The following SEZ6L2 variants were observed in gnomAD, a reference collection of about 807,000 sequenced individuals.
SEZ6L2 encodes the protein seizure 6-like protein 2.
A neutral mutation model predicts 97.0 loss-of-function variants in SEZ6L2; 44 were observed. The observed-to-expected ratio is 0.45, with a 90% CI of 0.36 to 0.58. The LOEUF (loss-of-function observed/expected upper bound fraction) is 0.58. Among genes scored for constraint, SEZ6L2 ranks in the 20% least tolerant of loss-of-function variants. The probability of loss-of-function intolerance (pLI) is 0.00; values close to 1 mark genes in which losing one functional copy is unlikely to be tolerated. For missense variants in SEZ6L2, 1,086 were observed against 1,233.3 expected (o/e 0.88, Z 1.79); for synonymous variants, 543 against 546.1 (o/e 0.99, Z 0.08).
At chr16:29,877,019 T>TCACTGCAGCC in intron 11 of SEZ6L2, 69 bp from the exon 12 acceptor site, 1 of 1,475,216 alleles carries the variant, frequency 6.8e-7, no homozygotes, top group South Asian at 1.3e-5. Context: ...CCTCGGAGGC[T>TCACTGCAGCC]TTGCTCTGTG....
chr16:29,871,773 T>A (rs748070621), intron 17 of SEZ6L2, 45 bp from the exon 18 acceptor site: 1 of 1,584,320 alleles, frequency 6.3e-7, no homozygotes. Flanking sequence ...CTGATAGGGG[T>A]GGAAGAGGCA....
chr16:29,890,561 A>G (rs1283749155), intron 5 of SEZ6L2, among the ~76,000 whole-genome samples: 3 of 151,108 alleles, frequency 2.0e-5, no homozygotes, highest in African/African-American at 7.3e-5. Context: ...TTAATTTTCC[A>G]CCTCCATATT....
Position 29,895,704 on chromosome 16 carries a change from T to C in SEZ6L2, c.651+17A>G, listed in dbSNP as rs368918292. The stretch of plus-strand genomic sequence containing the variant: ...AAGGCTTGGAAGCTGCACAGTCACA[T>C]GCTTTGGTCCAGTTACCTGGATCTC... On this transcript the variant is annotated intron_variant, in intron 4 of 17. Transcript: ENST00000617533. 3 of 1,608,892 alleles carry C rather than the reference T, an allele frequency of 1.9e-6. No homozygotes were observed. Among genetic ancestry groups the C allele is most frequent in the African/African-American group, 2.7e-5 (2 of 74,734 alleles).
intron 9 of SEZ6L2, among the ~76,000 whole-genome samples, chr16:29,879,517 G>T (rs1199216849): frequency 1.3e-5 from 2 of 152,190 alleles, no homozygotes; most frequent in African/African-American, 4.8e-5. Context: ...GAGCCACCGT[G>T]CCCAGCCATG....
Position 29,880,055 on chromosome 16 carries a change from T to C in SEZ6L2, c.1382A>G (p.Glu461Gly), listed in dbSNP as rs759525703. The change falls in exon 9 of 18, where the codon GAG becomes GGG. Residue 461 changes from glutamate (E) to glycine (G), a missense_variant. Glu to Gly is a moderately conservative substitution (Grantham distance 98). This residue lies in a region of SEZ6L2 where 776 missense variants were observed against 794.7 expected (regional missense o/e 0.98). Coordinates refer to ENST00000617533, the MANE Select transcript of SEZ6L2 (RefSeq NM_001243332.2). ...CAGGAAGGGGGCGAAGCAGCGATCC[T>C]CCTCAAAGGCTGGGAAGGAGTCAGT... is the stretch of plus-strand genomic sequence containing the variant. Reference protein sequence around the residue: ...LLSLRFEAFEEDRCFAPFLAH... With the variant: ...LLSLRFEAFEGDRCFAPFLAH... 8.1e-6 allele frequency: 13 copies of C among 1,613,982 alleles called. 1 individual carries two copies. Among genetic ancestry groups the C allele is most frequent in the Non-Finnish European group, 1.1e-5 (13 of 1,180,014 alleles).
In SEZ6L2 at chr16:29,897,991, G is replaced by A. The variant is rs537627323; in HGVS notation, c.80-7C>T. On this transcript the variant is annotated splice_polypyrimidine_tract_variant and splice_region_variant and intron_variant, in intron 1 of 17. Transcript: ENST00000617533. ...TCCTCCTTCAGGGGCAGACCTAGGA[G>A]GTGAAGTTGTGTGAGCTTCTCCACT... 4 of 1,612,670 alleles carry A rather than the reference G, an allele frequency of 2.5e-6. No homozygotes were observed. In the African/African-American group the frequency reaches 5.3e-5, roughly 22 times the overall value.
At chr16:29,896,785 C>T (rs756820099) in intron 3 of SEZ6L2, 37 bp downstream of exon 3, 39 of 1,592,596 alleles carry the variant, frequency 2.4e-5, no homozygotes, top group South Asian at 6.8e-5. Context: ...TGTACCTCTC[C>T]GGTCCTCCCA....
chr16:29,896,727 G>T, intron 3 of SEZ6L2, 95 bp downstream of exon 3: 1 of 1,037,188 alleles, frequency 9.6e-7, no homozygotes, highest in Non-Finnish European at 1.5e-6. Flanking sequence ...CTGTACCCAG[G>T]ACTCCTTCCA....
At position 29,897,095 on chromosome 16, in the gene SEZ6L2, T is replaced by C. The variant is rs372974759; in HGVS notation, c.238A>G (p.Thr80Ala). The C allele has an allele frequency of 1.9e-6, 3 of 1,576,542 alleles. No homozygotes were observed. In the African/African-American group the frequency reaches 4.0e-5, roughly 21 times the overall value. Residue 80 changes from threonine (T) to alanine (A), a missense_variant, in exon 3 of 18, where the codon ACC (threonine) becomes GCC (alanine). Physicochemically the swap from Thr to Ala is moderately conservative, Grantham distance 58 (BLOSUM62 0). Coordinates refer to ENST00000617533, the MANE Select transcript of SEZ6L2 (RefSeq NM_001243332.2). ...GCGAGAGTCTGGCCGGCCGGAGGGG[T>C]GGCTAGCGTGGGGTCCCGATCAGAT... Reference protein sequence around the residue: ...PGSDRDPTLATPPAGQTLAVP... With the variant: ...PGSDRDPTLAAPPAGQTLAVP...
intron 5 of SEZ6L2, among the ~76,000 whole-genome samples, chr16:29,892,288 G>A (rs561207040): frequency 3.3e-5 from 5 of 152,224 alleles, no homozygotes; most frequent in African/African-American, 1.2e-4. Flanking sequence ...GCGAAGCAGG[G>A]AAGACTGAGC....
intron 17 of SEZ6L2, 149 bp downstream of exon 17, chr16:29,872,038 A>G: frequency 1.5e-6 from 1 of 673,304 alleles, no homozygotes; most frequent in South Asian, 1.9e-5. Context: ...CCTATTGTAT[A>G]CACATGGCTT....
In SEZ6L2 at chr16:29,872,467, G is replaced by A; in HGVS notation, c.2587C>T (p.Leu863=). 1 of 1,614,238 alleles carries A rather than the reference G, an allele frequency of 6.2e-7. No individual in the cohort carries two copies. The highest frequency in any genetic ancestry group is 8.5e-7 in the Non-Finnish European group (1 of 1,180,052). ...LEGGNLALAI[L]LPLGLVIVLG... is the part of the protein sequence containing the mutation. ...ACAATGACCAAGCCTAGAGGCAGCA[G>A]GATGGCCAGGGCCAGGTTCCCCCCT... The change falls in exon 16 of 18, where the codon CTG becomes TTG. Residue 863 remains leucine (L), a synonymous_variant. Coordinates refer to ENST00000617533, the MANE Select transcript of SEZ6L2 (RefSeq NM_001243332.2).
Position 29,897,020 on chromosome 16 carries a change from T to A in SEZ6L2, c.313A>T (p.Thr105Ser). ...CTGACCCCGTTAGGGGTGACGGCTG[T>A]TGTCAGAGGCCCTGTCCCCGGCTCA... Reference protein sequence around the residue: ...ATEPGTGPLTTAVTPNGVRGA... With the variant: ...ATEPGTGPLTSAVTPNGVRGA... The change falls in exon 3 of 18, where the codon ACA becomes TCA. Residue 105 changes from threonine to serine, a missense_variant. Coordinates refer to ENST00000617533, the MANE Select transcript of SEZ6L2 (RefSeq NM_001243332.2). 6.3e-7 allele frequency: 1 copy of A among 1,582,480 alleles called. No homozygotes were observed. Among genetic ancestry groups the A allele is most frequent in the Non-Finnish European group, 8.6e-7 (1 of 1,169,546 alleles).
chr16:29,875,288 AG>A (rs1394260481), intron 12 of SEZ6L2, among the ~76,000 whole-genome samples: 2 of 152,196 alleles, frequency 1.3e-5, no homozygotes, highest in Non-Finnish European at 2.9e-5. Context: ...TCAGCCAGGG[AG>A]TGGCAGAGCC....
At chr16:29,892,578 AG>A (rs2068292446) in intron 5 of SEZ6L2, among the ~76,000 whole-genome samples, 1 of 152,252 alleles carries the variant, frequency 6.6e-6, no homozygotes, top group African/African-American at 2.4e-5. Flanking sequence ...CCCCTAAGGC[AG>A]GTCCTGAGCA....
At chr16:29,883,586 T>A (rs545856140) in intron 8 of SEZ6L2, among the ~76,000 whole-genome samples, 1 of 152,276 alleles carries the variant, frequency 6.6e-6, no homozygotes, top group South Asian at 2.1e-4. Context: ...CCCAAAGTAC[T>A]GGGATTAGAG....
intron 8 of SEZ6L2, among the ~76,000 whole-genome samples, chr16:29,885,172 C>A (rs1366915575): frequency 2.6e-5 from 4 of 152,148 alleles, no homozygotes; most frequent in Non-Finnish European, 4.4e-5. Context: ...GGCGCCACTG[C>A]ATTCCAGCCT....
chr16:29,872,584 G>A lies in SEZ6L2; in HGVS notation c.2528-58C>T, dbSNP rs1010342195. The stretch of plus-strand genomic sequence containing the variant: ...CTGGGCCCGGTCCTGGGCTCTCCCA[G>A]CCTCCTGCCCTGGGCCTCAAACCCT... On this transcript the variant is annotated intron_variant, in intron 15 of 17. Coordinates refer to ENST00000617533, the MANE Select transcript of SEZ6L2 (RefSeq NM_001243332.2). 7 of 1,602,082 alleles carry A rather than the reference G, an allele frequency of 4.4e-6. No homozygotes were observed. The African/African-American group carries it at 9.4e-5, about 21-fold the overall frequency.
At chr16:29,888,786 TC>T in intron 5 of SEZ6L2, 61 bp from the exon 6 acceptor site, 1 of 1,457,826 alleles carries the variant, frequency 6.9e-7, no homozygotes, top group Admixed American at 2.0e-5. Context: ...CTCATACTGA[TC>T]CCCCAGCACT....
Sources: gnomAD v4.1 joint callset for allele counts (sites outside exome capture counted in the v4.1 genomes callset) on GRCh38, gnomAD v4.1.1 for gene constraint, gnomAD v4.1.1 regional missense constraint, MANE v1.5 for transcripts, NCBI Gene and HGNC (gene_info 2026-07-23, HGNC 2026-07-21) for gene names.